C5orf46: variants seen among roughly 807,000 people sequenced by gnomAD.
C5orf46 encodes the protein uncharacterized protein C5orf46.
A neutral mutation model predicts 8.9 loss-of-function variants in C5orf46; 9 were observed. The observed-to-expected ratio is 1.01, with a 90% CI of 0.61 to 1.76. C5orf46 has a LOEUF of 1.76. C5orf46 is among the 40% of genes most tolerant of loss of function. C5orf46 has a pLI of 0.00. For synonymous variants in C5orf46, 47 were observed against 41.4 expected, an observed-to-expected ratio of 1.14 and a Z score of -0.52; for missense variants, 98 against 107.8, an observed-to-expected ratio of 0.91 and a Z score of 0.40.
intron 1 of C5orf46, among the ~76,000 whole-genome samples, chr5:147,903,700 T>G (rs1757706570): frequency 6.6e-6 from 1 of 152,240 alleles, no homozygotes; most frequent in Non-Finnish European, 1.5e-5. Context: ...CCTATTCATA[T>G]ATCCAATGAT....
intron 1 of C5orf46, 124 bp from the exon 2 acceptor site, chr5:147,901,897 AT>A (rs1162551272): frequency 1.0e-6 from 1 of 966,552 alleles, no homozygotes; most frequent in Non-Finnish European, 1.5e-6. Flanking sequence ...ATATGGTTAT[AT>A]TCATCGAACA....
intron 2 of C5orf46, among the ~76,000 whole-genome samples, chr5:147,898,362 G>A (rs1468163017): frequency 6.6e-6 from 1 of 152,092 alleles, no homozygotes; most frequent in Non-Finnish European, 1.5e-5. Context: ...GAGCAGGAAG[G>A]ATTTGAGAAG....
intron 3 of C5orf46, among the ~76,000 whole-genome samples, chr5:147,896,234 A>G (rs1219481925): frequency 6.6e-6 from 1 of 152,196 alleles, no homozygotes; most frequent in Non-Finnish European, 1.5e-5. Flanking sequence ...GCTTAAATTC[A>G]AATTGTGTCT....
At position 147,906,442 on chromosome 5, in the gene C5orf46, G is replaced by T; in HGVS notation, c.60C>A (p.Thr20=). Residue 20 remains threonine (T), a synonymous_variant, in exon 1 of 4, where the codon ACC becomes ACA. Transcript: ENST00000318315. ...VVLGLLVLFL[T]CYADDKPDKP... The stretch of plus-strand genomic sequence containing the variant: ...ATCAGAAGCACTTACCTGCATAGCA[G>T]GTCAGGAATAAGACAAGCAGTCCCA... 2 of 1,609,950 alleles carry T rather than the reference G, an allele frequency of 1.2e-6. No individual in the cohort carries two copies. Among genetic ancestry groups the T allele is most frequent in the Non-Finnish European group, 1.7e-6 (2 of 1,177,270 alleles).
Position 147,901,763 on chromosome 5 carries a change from T to G in C5orf46, c.81A>C (p.Pro27=). ...CGTCTGGCTTGTCGTCTGGCTTGTC[T>G]GGTTTGTCGTCTGAAAAACAACAGA... ...LFLTCYADDK[P]DKPDDKPDDS... Residue 27 remains proline (P), a synonymous_variant, in exon 2 of 4, where the codon CCA becomes CCC. Transcript: ENST00000318315. 6.2e-7 allele frequency: 1 copy of G among 1,613,738 alleles called. No individual in the cohort carries two copies. Among genetic ancestry groups the G allele is most frequent in the Non-Finnish European group, 8.5e-7 (1 of 1,179,864 alleles).
chr5:147,890,605 C>T (rs1229016635), downstream of C5orf46, among the ~76,000 whole-genome samples: 1 of 152,080 alleles, frequency 6.6e-6, no homozygotes, highest in African/African-American at 2.4e-5. Flanking sequence ...TCAATGAAGG[C>T]TTCACTGAGA....
chr5:147,897,291 A>T (rs1273982320), intron 2 of C5orf46, among the ~76,000 whole-genome samples: 1 of 152,244 alleles, frequency 6.6e-6, no homozygotes, highest in South Asian at 2.1e-4. Flanking sequence ...CCATAAAGTC[A>T]TATATTTTGG....
chr5:147,891,150 C>A (rs1757497676), downstream of C5orf46, among the ~76,000 whole-genome samples: 1 of 152,144 alleles, frequency 6.6e-6, no homozygotes, highest in Non-Finnish European at 1.5e-5. Flanking sequence ...GGCATGATAC[C>A]AATCAGCCTC....
At chr5:147,902,011 C>T (rs1443637745) in intron 1 of C5orf46, among the ~76,000 whole-genome samples, 1 of 152,184 alleles carries the variant, frequency 6.6e-6, no homozygotes, top group African/African-American at 2.4e-5. Context: ...GACACTGGCA[C>T]CGCCTGGTGA....
chr5:147,906,351 T>C, intron 1 of C5orf46, 81 bp downstream of exon 1: 2 of 859,786 alleles, frequency 2.3e-6, no homozygotes. Flanking sequence ...CTTTCTTTTA[T>C]GTTCTGAATC....
At chr5:147,889,108 A>G (rs1359750777), downstream of C5orf46, among the ~76,000 whole-genome samples, 1 of 152,118 alleles carries the variant, frequency 6.6e-6, no homozygotes, top group African/African-American at 2.4e-5. Flanking sequence ...TATACATATA[A>G]GCTTGTTTAT....
intron 3 of C5orf46, among the ~76,000 whole-genome samples, chr5:147,894,832 G>T (rs145257415): frequency 1.1e-3 from 165 of 152,058 alleles, no homozygotes; most frequent in South Asian, 3.5e-3. Context: ...GAGGCCGAAG[G>T]GGGGTGAATC....
intron 3 of C5orf46, among the ~76,000 whole-genome samples, chr5:147,893,845 A>T (rs577106573): frequency 1.3e-5 from 2 of 151,882 alleles, no homozygotes; most frequent in Non-Finnish European, 2.9e-5. Flanking sequence ...ATGAGGCACT[A>T]TGCCCAGCCA....
At chr5:147,890,289 C>T (rs1281489851), downstream of C5orf46, among the ~76,000 whole-genome samples, 1 of 152,152 alleles carries the variant, frequency 6.6e-6, no homozygotes, top group East Asian at 1.9e-4. Flanking sequence ...TGGGTAGAAG[C>T]TCTATCATTT....
chr5:147,894,262 A>T (rs1757546956), intron 3 of C5orf46, among the ~76,000 whole-genome samples: 1 of 152,206 alleles, frequency 6.6e-6, no homozygotes, highest in Non-Finnish European at 1.5e-5. Context: ...TTAAAATATC[A>T]AATGACTTAA....
intron 3 of C5orf46, among the ~76,000 whole-genome samples, chr5:147,895,373 C>T (rs1757565307): frequency 6.6e-6 from 1 of 152,176 alleles, no homozygotes; most frequent in African/African-American, 2.4e-5. Context: ...CCTCCCTGCT[C>T]ATCAGGGCAT....
chr5:147,901,441 C>G (rs993175419), intron 2 of C5orf46, 188 bp downstream of exon 2: 2 of 493,740 alleles, frequency 4.1e-6, no homozygotes, highest in East Asian at 6.7e-5. Context: ...TCCTTTCCCC[C>G]AAAAAGCTCA....
At chr5:147,900,705 A>G (rs761651158) in intron 2 of C5orf46, among the ~76,000 whole-genome samples, 18 of 152,198 alleles carry the variant, frequency 1.2e-4, no homozygotes, top group Non-Finnish European at 1.9e-4. Context: ...AATTCCCCCA[A>G]GGGATTCTGT....
Position 147,894,071 on chromosome 5 carries a change from T to G in C5orf46, c.*10-1132A>C, listed in dbSNP as rs192255421. Among the ~76,000 whole-genome samples the G allele has an allele frequency of 1.4e-4, 21 of 152,296 alleles. 1 individual carries two copies. The highest frequency in any genetic ancestry group is 4.6e-4 in the African/African-American group (19 of 41,566). On this transcript the variant is annotated intron_variant, in intron 3 of 3. Transcript: ENST00000318315. ...AGATCCCTCCCTAGGAAGTTCTGAC[T>G]GAGCAAGTCTAAGCATAAAAGTCTA... is the stretch of plus-strand genomic sequence containing the variant.
Sources: gnomAD v4.1 joint callset for allele counts (sites outside exome capture counted in the v4.1 genomes callset) on GRCh38, gnomAD v4.1.1 for gene constraint, MANE v1.5 for transcripts, NCBI Gene and HGNC (gene_info 2026-07-23, HGNC 2026-07-21) for gene names.